VPS41: variants seen among roughly 807,000 people sequenced by gnomAD.
VPS41 encodes the protein vacuolar protein sorting-associated protein 41 homolog.
VPS41 carries 85 observed loss-of-function variants against 130.9 expected under a neutral mutation model. The ratio of observed to expected loss-of-function variants is 0.65; its 90% confidence interval spans 0.55 to 0.78. VPS41 has a LOEUF of 0.78. Among genes scored for constraint, VPS41 ranks in the 30% least tolerant of loss-of-function variants. The pLI is 0.00. For missense variants in VPS41, 874 were observed against 1,018.7 expected (o/e 0.86, Z 1.93); for synonymous variants, 335 against 332.9 (o/e 1.01, Z -0.07).
At chr7:38,752,043 TC>T in intron 22 of VPS41, 132 bp downstream of exon 22, 1 of 1,334,964 alleles carries the variant, frequency 7.5e-7, no homozygotes, top group Non-Finnish European at 1.0e-6. Context: ...AAAACCTACT[TC>T]TTTGAGAGCA....
At chr7:38,879,877 T>C (rs1256340518) in intron 2 of VPS41, among the ~76,000 whole-genome samples, 1 of 125,164 alleles carries the variant, frequency 8.0e-6, no homozygotes, top group Non-Finnish European at 1.6e-5. Context: ...TAAAGGTCAC[T>C]AATGTCATTT....
chr7:38,893,434 A>G (rs1253717136), intron 2 of VPS41, among the ~76,000 whole-genome samples: 1 of 152,246 alleles, frequency 6.6e-6, no homozygotes, highest in Non-Finnish European at 1.5e-5. Flanking sequence ...CCATTTACAC[A>G]AGAGCAATCA....
intron 4 of VPS41, among the ~76,000 whole-genome samples, chr7:38,844,105 T>G (rs979171866): frequency 6.6e-6 from 1 of 152,238 alleles, no homozygotes; most frequent in East Asian, 1.9e-4. Context: ...TTTAATAATA[T>G]GAAACAATTA....
chr7:38,834,296 T>C (rs1785447685), intron 4 of VPS41, among the ~76,000 whole-genome samples: 1 of 152,222 alleles, frequency 6.6e-6, no homozygotes, highest in Non-Finnish European at 1.5e-5. Flanking sequence ...TTAGGTCTTC[T>C]TCAGTATCTC....
intron 11 of VPS41, among the ~76,000 whole-genome samples, chr7:38,776,268 G>A (rs1239800104): frequency 1.3e-5 from 2 of 152,094 alleles, no homozygotes; most frequent in African/African-American, 4.8e-5. Context: ...AAATATGTCT[G>A]GACCAAAGAA....
chr7:38,811,596 T>TACAC (rs35859906), intron 7 of VPS41, among the ~76,000 whole-genome samples: 50 of 148,682 alleles, frequency 3.4e-4, no homozygotes, highest in Admixed American at 2.3e-3. Context: ...TGTTTTGTCA[T>TACAC]ACACACACAC....
intron 3 of VPS41, among the ~76,000 whole-genome samples, chr7:38,863,486 T>C (rs925780481): frequency 6.6e-6 from 1 of 152,170 alleles, no homozygotes; most frequent in Non-Finnish European, 1.5e-5. Context: ...AGCAGCACAA[T>C]CTTTAAAAAA....
chr7:38,743,674 AAC>A, intron 23 of VPS41, 132 bp from the exon 24 acceptor site: 1 of 987,394 alleles, frequency 1.0e-6, no homozygotes, highest in Non-Finnish European at 1.5e-6. Context: ...ATGTGACACC[AAC>A]ATTTACTGTC....
chr7:38,828,978 AGTTC>A (rs1305085170), intron 5 of VPS41, among the ~76,000 whole-genome samples: 1 of 152,220 alleles, frequency 6.6e-6, no homozygotes, highest in Non-Finnish European at 1.5e-5. Flanking sequence ...TCAACAAATT[AGTTC>A]GGTTAAACTG....
chr7:38,815,947 T>A (rs897279607), intron 7 of VPS41, among the ~76,000 whole-genome samples: 11 of 146,466 alleles, frequency 7.5e-5, no homozygotes, highest in African/African-American at 2.7e-4. Context: ...TATATACACA[T>A]ATATACACAC....
At chr7:38,726,476 A>T in intron 28 of VPS41, 150 bp from the exon 29 acceptor site, 1 of 651,934 alleles carries the variant, frequency 1.5e-6, no homozygotes, top group East Asian at 2.8e-5. Flanking sequence ...TGGTTAACAT[A>T]GGATTTAGTC....
intron 17 of VPS41, among the ~76,000 whole-genome samples, chr7:38,759,849 G>A (rs1690606109): frequency 6.6e-6 from 1 of 152,116 alleles, no homozygotes. Context: ...ATGCAGTTGT[G>A]CACTGTATAG....
chr7:38,835,253 TCTTA>T (rs894350074), intron 4 of VPS41, among the ~76,000 whole-genome samples: 6 of 151,978 alleles, frequency 3.9e-5, no homozygotes, highest in African/African-American at 9.6e-5. Context: ...TTTATTAATT[TCTTA>T]CTATTATTCC....
intron 1 of VPS41, among the ~76,000 whole-genome samples, chr7:38,902,781 C>T (rs570158165): frequency 5.3e-5 from 8 of 152,304 alleles, no homozygotes; most frequent in Admixed American, 1.3e-4. Flanking sequence ...CTCAGGGATA[C>T]CCCAGGGAGA....
At chr7:38,896,163 T>C (rs1209812177) in intron 2 of VPS41, among the ~76,000 whole-genome samples, 1 of 152,212 alleles carries the variant, frequency 6.6e-6, no homozygotes, top group Non-Finnish European at 1.5e-5. Context: ...TTTAGGTGGC[T>C]GCCAACACCC....
intron 4 of VPS41, among the ~76,000 whole-genome samples, chr7:38,839,971 G>A (rs1258045657): frequency 6.6e-6 from 1 of 152,176 alleles, no homozygotes; most frequent in African/African-American, 2.4e-5. Flanking sequence ...CAGTTCCCCA[G>A]GACAGCCATC....
intron 7 of VPS41, among the ~76,000 whole-genome samples, chr7:38,801,133 A>C (rs1413309711): frequency 2.0e-5 from 3 of 152,188 alleles, no homozygotes; most frequent in Non-Finnish European, 4.4e-5. Flanking sequence ...AAGAAACTAA[A>C]AACTTCCAGC....
chr7:38,893,392 C>G (rs1786908239), intron 2 of VPS41, among the ~76,000 whole-genome samples: 1 of 152,242 alleles, frequency 6.6e-6, no homozygotes, highest in Non-Finnish European at 1.5e-5. Context: ...GACCATTCAT[C>G]CACTCCTCTG....
intron 28 of VPS41, 87 bp downstream of exon 28, chr7:38,726,822 A>G (rs1333175488): frequency 8.4e-7 from 1 of 1,197,574 alleles, no homozygotes; most frequent in Admixed American, 2.9e-5. Flanking sequence ...CCATACAGCC[A>G]TAAGGATGAA....
Sources: gnomAD v4.1 joint callset for allele counts (sites outside exome capture counted in the v4.1 genomes callset) on GRCh38, gnomAD v4.1.1 for gene constraint, MANE v1.5 for transcripts, NCBI Gene and HGNC (gene_info 2026-07-23, HGNC 2026-07-21) for gene names.